Variants in ERBIN observed in about 807,000 individuals in gnomAD.
ERBIN encodes the protein densin-180-like protein.
A neutral mutation model predicts 158.4 loss-of-function variants in ERBIN; 60 were observed. The observed-to-expected ratio is 0.38, with a 90% CI of 0.31 to 0.47. The LOEUF (loss-of-function observed/expected upper bound fraction) is 0.47, where lower values mean the gene tolerates loss of function less well. ERBIN is among the 20% of genes least tolerant of loss of function. The pLI is 0.99. For synonymous variants in ERBIN, 594 were observed against 557.2 expected, an observed-to-expected ratio of 1.07 and a Z score of -0.93; for missense variants, 1,610 against 1,648.0, an observed-to-expected ratio of 0.98 and a Z score of 0.40.
chr5:65,966,284 G>T (rs573822270), intron 1 of ERBIN, among the ~76,000 whole-genome samples: 1 of 152,308 alleles, frequency 6.6e-6, no homozygotes, highest in South Asian at 2.1e-4. Flanking sequence ...TATAAGTACA[G>T]TTATGTACAG....
intron 1 of ERBIN, among the ~76,000 whole-genome samples, chr5:65,948,798 C>T (rs1235536764): frequency 7.0e-6 from 1 of 143,694 alleles, no homozygotes; most frequent in East Asian, 2.0e-4. Flanking sequence ...GAGTCTCCCT[C>T]TGTCACTTAC....
chr5:66,062,599 C>T (rs1475951693), intron 21 of ERBIN, among the ~76,000 whole-genome samples: 1 of 152,196 alleles, frequency 6.6e-6, no homozygotes, highest in Non-Finnish European at 1.5e-5. Flanking sequence ...CTGCGTTCCT[C>T]TGGAGGAGGA....
chr5:66,050,154 T>C (rs560642024), intron 19 of ERBIN, among the ~76,000 whole-genome samples: 1 of 152,130 alleles, frequency 6.6e-6, no homozygotes, highest in South Asian at 2.1e-4. Context: ...GTGAAAAGTA[T>C]ATTCATTGAA....
At chr5:65,985,671 T>C (rs1751145656) in intron 1 of ERBIN, among the ~76,000 whole-genome samples, 1 of 152,218 alleles carries the variant, frequency 6.6e-6, no homozygotes. Context: ...TTTCTATCTA[T>C]CTGTCTACAA....
At chr5:65,996,888 A>G (rs576660397) in intron 4 of ERBIN, among the ~76,000 whole-genome samples, 8 of 152,176 alleles carry the variant, frequency 5.3e-5, no homozygotes, top group East Asian at 3.9e-4. Context: ...TTTGGTAGCT[A>G]TTATAAATGG....
chr5:66,079,332 A>G lies in ERBIN; in HGVS notation c.*802A>G, dbSNP rs1762271063. 6.7e-6 allele frequency: 1 copy of G among 150,094 alleles called. No homozygotes were observed. The highest frequency in any genetic ancestry group is 2.1e-4 in the South Asian group (1 of 4,782). 9.3% of individuals were successfully genotyped at this position (150,094 alleles called of 1,614,324 possible). A position where few individuals can be genotyped will look rare whatever the true frequency, so the allele number is the denominator to read the frequency against. On this transcript the variant is annotated 3_prime_UTR_variant, in exon 26 of 26. Coordinates refer to ENST00000284037, the MANE Select transcript of ERBIN (RefSeq NM_001253697.2). ...CAGGAAATTTTTAACTCTACTGTAG[A>G]TGCATGTCCATGCATTTTCTGTGTT...
rs374300156 is a variant in ERBIN at position 66,038,368 on chromosome 5, A to G, written c.1207-15A>G. The stretch of plus-strand genomic sequence containing the variant: ...TAGGGTTATTGAAAATTAAGCATTT[A>G]TTTTCCTTCTCTAGTCCAAACCCCT... On this transcript the variant is annotated splice_polypyrimidine_tract_variant and intron_variant, in intron 14 of 25. Coordinates refer to ENST00000284037, the MANE Select transcript of ERBIN (RefSeq NM_001253697.2). 67 of 1,562,506 alleles carry G rather than the reference A, an allele frequency of 4.3e-5. No individual in the cohort carries two copies. The South Asian group carries it at 6.3e-4, about 15-fold the overall frequency.
chr5:65,997,794 A>C (rs1382459046), intron 4 of ERBIN, among the ~76,000 whole-genome samples: 1 of 152,222 alleles, frequency 6.6e-6, no homozygotes, highest in Non-Finnish European at 1.5e-5. Flanking sequence ...ATGAGTATCC[A>C]GAAGTAATCC....
intron 21 of ERBIN, among the ~76,000 whole-genome samples, chr5:66,068,021 T>C (rs1014968736): frequency 6.6e-6 from 1 of 152,194 alleles, no homozygotes; most frequent in Non-Finnish European, 1.5e-5. Context: ...AAGATATTTT[T>C]CTAAACATTT....
At chr5:65,948,824 C>T (rs913664598) in intron 1 of ERBIN, among the ~76,000 whole-genome samples, 1 of 127,888 alleles carries the variant, frequency 7.8e-6, no homozygotes, top group African/African-American at 3.0e-5. Context: ...AGTGCAGTGG[C>T]CCAATTTCAG....
intron 1 of ERBIN, among the ~76,000 whole-genome samples, chr5:65,972,464 G>A (rs998725725): frequency 6.6e-6 from 1 of 151,424 alleles, no homozygotes. Context: ...GGAGTGCCAT[G>A]TATGTGAATG....
At chr5:65,933,471 T>C (rs1207188739) in intron 1 of ERBIN, among the ~76,000 whole-genome samples, 1 of 152,220 alleles carries the variant, frequency 6.6e-6, no homozygotes, top group Non-Finnish European at 1.5e-5. Context: ...AGTCTCCTTT[T>C]TTCATAATCA....
At chr5:65,971,660 T>A (rs577752104) in intron 1 of ERBIN, among the ~76,000 whole-genome samples, 1 of 152,230 alleles carries the variant, frequency 6.6e-6, no homozygotes, top group Admixed American at 6.5e-5. Context: ...ATTTTATATT[T>A]TATTTTTCTC....
At chr5:66,037,249 A>G (rs148655928) in intron 14 of ERBIN, among the ~76,000 whole-genome samples, 2 of 152,198 alleles carry the variant, frequency 1.3e-5, no homozygotes, top group Admixed American at 6.5e-5. Context: ...CCAGGAATAG[A>G]TGAATACCAC....
chr5:66,044,026 C>T, intron 16 of ERBIN, 111 bp from the exon 17 acceptor site: 1 of 669,204 alleles, frequency 1.5e-6, no homozygotes, highest in Non-Finnish European at 2.3e-6. Flanking sequence ...TCACAGTTAT[C>T]CCTATGAGCT....
rs1013271109 is a variant in ERBIN at position 65,963,069 on chromosome 5, G to C, written c.-57-25566G>C. Reference sequence around the variant, plus strand: ...TCAGGTCATAATTCCATTATTCACAGAAGTTTCATCATGTGATTGATTACT... The same window carrying C: ...TCAGGTCATAATTCCATTATTCACACAAGTTTCATCATGTGATTGATTACT... On this transcript the variant is annotated intron_variant, in intron 1 of 25. Coordinates refer to ENST00000284037, the MANE Select transcript of ERBIN (RefSeq NM_001253697.2). 2.0e-5 allele frequency among the ~76,000 whole-genome samples: 3 copies of C among 152,216 alleles called. No individual in the cohort carries two copies. In the East Asian group the frequency reaches 5.8e-4, roughly 29 times the overall value.
intron 1 of ERBIN, among the ~76,000 whole-genome samples, chr5:65,979,343 C>T (rs531494674): frequency 6.6e-6 from 1 of 152,202 alleles, no homozygotes; most frequent in East Asian, 1.9e-4. Context: ...TTGGGGATTA[C>T]TTGAACCTGG....
chr5:66,074,266 A>AG (rs547446427), intron 22 of ERBIN, among the ~76,000 whole-genome samples: 44 of 152,192 alleles, frequency 2.9e-4, no homozygotes, highest in African/African-American at 1.1e-3. Flanking sequence ...ATTTTAAGTC[A>AG]GGTTTATTCT....
chr5:66,054,172 C>T lies in ERBIN; in HGVS notation c.2854C>T (p.Pro952Ser), dbSNP rs760634377. The change falls in exon 21 of 26, where the codon CCC becomes TCC. Residue 952 changes from proline to serine, a missense_variant. This residue lies in a region of ERBIN where 1,014 missense variants were observed against 936.1 expected (regional missense o/e 1.08). Coordinates refer to ENST00000284037, the MANE Select transcript of ERBIN (RefSeq NM_001253697.2). Reference sequence around the variant, plus strand: ...TTTCAAGTTTGATTCAAATCATAATCCCGAAGAGCCAAATATAATAAGAGG... The same window carrying T: ...TTTCAAGTTTGATTCAAATCATAATTCCGAAGAGCCAAATATAATAAGAGG... ...AIFKFDSNHN[P>S]EEPNIIRGPT... 1 of 1,614,084 alleles carries T rather than the reference C, an allele frequency of 6.2e-7. No homozygotes were observed. The highest frequency in any genetic ancestry group is 1.3e-5 in the African/African-American group (1 of 75,008).
Sources: allele counts gnomAD v4.1 joint callset (sites outside exome capture counted in the v4.1 genomes callset), GRCh38; gene constraint gnomAD v4.1.1; regional missense constraint gnomAD v4.1.1; transcripts MANE v1.5; gene names NCBI Gene and HGNC (gene_info 2026-07-23, HGNC 2026-07-21).